The following ANKRD6 variants were observed in gnomAD, a reference collection of about 807,000 sequenced individuals.
The protein encoded by ANKRD6 is ankyrin repeat domain-containing protein 6.
ANKRD6 carries 56 observed loss-of-function variants against 82.3 expected under a neutral mutation model. The ratio of observed to expected loss-of-function variants is 0.68; its 90% CI spans 0.55 to 0.85. The LOEUF (loss-of-function observed/expected upper bound fraction) is 0.85. ANKRD6 is among the 40% of genes least tolerant of loss of function. The pLI, the probability that ANKRD6 is intolerant of heterozygous loss-of-function variation, is 0.00. For synonymous variants in ANKRD6, 347 were observed against 352.1 expected (o/e 0.99, Z 0.16); for missense variants, 852 against 907.6 (o/e 0.94, Z 0.79).
At chr6:89,587,346 G>A (rs1793965504) in intron 2 of ANKRD6, among the ~76,000 whole-genome samples, 1 of 152,112 alleles carries the variant, frequency 6.6e-6, no homozygotes, top group African/African-American at 2.4e-5. Context: ...AAAATTAGCC[G>A]GGAGTGGTGG....
intron 3 of ANKRD6, among the ~76,000 whole-genome samples, chr6:89,598,721 A>G (rs1409405046): frequency 6.6e-6 from 1 of 152,250 alleles, no homozygotes; most frequent in Non-Finnish European, 1.5e-5. Context: ...AAATGGGTCA[A>G]CATGTTCCAA....
intron 1 of ANKRD6, among the ~76,000 whole-genome samples, chr6:89,450,351 C>A (rs1359567175): frequency 1.3e-5 from 2 of 151,954 alleles, no homozygotes; most frequent in Admixed American, 1.3e-4. Flanking sequence ...TCAGAAACTT[C>A]ATTGTTGTCT....
intron 4 of ANKRD6, among the ~76,000 whole-genome samples, chr6:89,604,252 C>T (rs1228897777): frequency 3.3e-5 from 5 of 151,810 alleles, no homozygotes; most frequent in African/African-American, 7.3e-5. Flanking sequence ...CGCTTGAACC[C>T]GGGAGGTGGA....
chr6:89,441,559 T>G (rs1218568360), intron 1 of ANKRD6, among the ~76,000 whole-genome samples: 2 of 151,614 alleles, frequency 1.3e-5, no homozygotes, highest in Non-Finnish European at 2.9e-5. Context: ...CTGTAAAGCA[T>G]TTAAAGAGGT....
chr6:89,573,499 C>G (rs962120109), intron 2 of ANKRD6, among the ~76,000 whole-genome samples: 1 of 152,130 alleles, frequency 6.6e-6, no homozygotes, highest in Non-Finnish European at 1.5e-5. Flanking sequence ...CTGGGTTGCT[C>G]TCTAGTTCTG....
intron 1 of ANKRD6, among the ~76,000 whole-genome samples, chr6:89,437,074 G>A (rs1770734193): frequency 6.6e-6 from 1 of 152,168 alleles, no homozygotes; most frequent in Non-Finnish European, 1.5e-5. Flanking sequence ...AAGTATTTAA[G>A]TGAATGCTCT....
rs185191746 is a variant in ANKRD6 at position 89,595,630 on chromosome 6, G to A, written c.121-286G>A. Among the ~76,000 whole-genome samples the A allele has an allele frequency of 1.4e-4, 22 of 152,216 alleles. No individual in the cohort carries two copies. In the East Asian group the frequency reaches 3.9e-3, roughly 27 times the overall value. Reference sequence around the variant, plus strand: ...ATTAAGAGAAGGCACAAAACCCCTCGTTTTGCTACTTGATAGTCTGATGAG... The same window carrying A: ...ATTAAGAGAAGGCACAAAACCCCTCATTTTGCTACTTGATAGTCTGATGAG... On this transcript the variant is annotated intron_variant, in intron 2 of 15. Transcript: ENST00000339746.
intron 1 of ANKRD6, among the ~76,000 whole-genome samples, chr6:89,473,417 G>T (rs1408027575): frequency 4.8e-5 from 7 of 146,542 alleles, no homozygotes; most frequent in Non-Finnish European, 1.1e-4. Context: ...AAAAAAAAAA[G>T]AAAGAAAGAA....
At chr6:89,523,948 G>A (rs1782165017) in intron 1 of ANKRD6, among the ~76,000 whole-genome samples, 1 of 152,090 alleles carries the variant, frequency 6.6e-6, no homozygotes, top group African/African-American at 2.4e-5. Flanking sequence ...TACCAAACAT[G>A]TTCCTATAAT....
intron 1 of ANKRD6, among the ~76,000 whole-genome samples, chr6:89,444,816 A>C (rs2127944989): frequency 6.6e-6 from 1 of 152,234 alleles, no homozygotes; most frequent in South Asian, 2.1e-4. Context: ...AAAAATAAAA[A>C]AATTAGGCAG....
At chr6:89,450,480 A>G (rs1264968936) in intron 1 of ANKRD6, among the ~76,000 whole-genome samples, 1 of 152,228 alleles carries the variant, frequency 6.6e-6, no homozygotes, top group Non-Finnish European at 1.5e-5. Context: ...CTGAAGGTTC[A>G]GATGATCATC....
rs1390159638 is a variant in ANKRD6 at position 89,631,217 on chromosome 6, A to C, written c.*213A>C. On this transcript the variant is annotated 3_prime_UTR_variant, in exon 16 of 16. Coordinates refer to ENST00000339746, the MANE Select transcript of ANKRD6 (RefSeq NM_001242809.2). Reference sequence around the variant, plus strand: ...AACTGAAACCAGGGGAAGCTTGCTTAGTTTTGGGTTTCATTATAAACTCTT... The same window carrying C: ...AACTGAAACCAGGGGAAGCTTGCTTCGTTTTGGGTTTCATTATAAACTCTT... 1.1e-6 allele frequency: 1 copy of C among 900,200 alleles called. No individual in the cohort carries two copies. Among genetic ancestry groups the C allele is most frequent in the East Asian group, 3.2e-5 (1 of 31,410 alleles). The allele number at this position is 900,200 out of a possible 1,614,324, so 55.8% of individuals were successfully genotyped here.
intron 2 of ANKRD6, among the ~76,000 whole-genome samples, chr6:89,594,906 C>A (rs898070578): frequency 6.6e-6 from 1 of 152,122 alleles, no homozygotes; most frequent in Non-Finnish European, 1.5e-5. Context: ...CTGTGCCCAG[C>A]TAATTTTTAA....
chr6:89,582,724 C>T (rs970268477), intron 2 of ANKRD6, among the ~76,000 whole-genome samples: 1 of 138,540 alleles, frequency 7.2e-6, no homozygotes, highest in African/African-American at 2.7e-5. Flanking sequence ...CACAATCTTT[C>T]CTTACCTAGA....
intron 1 of ANKRD6, among the ~76,000 whole-genome samples, chr6:89,437,674 C>T (rs1341470363): frequency 6.6e-6 from 1 of 152,140 alleles, no homozygotes; most frequent in East Asian, 1.9e-4. Context: ...TACAATACGT[C>T]CTACCTTGTT....
chr6:89,613,992 C>T, intron 7 of ANKRD6, 102 bp downstream of exon 7: 1 of 1,177,930 alleles, frequency 8.5e-7, no homozygotes, highest in African/African-American at 1.5e-5. Context: ...GGGAAGCTGC[C>T]ATGTCACCTA....
intron 8 of ANKRD6, chr6:89,617,046 C>T: frequency 2.4e-6 from 1 of 412,644 alleles, no homozygotes; most frequent in Middle Eastern, 3.5e-4. Context: ...AAAGCAACTC[C>T]TTTCTCTTCC....
chr6:89,468,498 G>T (rs190282249), intron 1 of ANKRD6, among the ~76,000 whole-genome samples: 145 of 150,280 alleles, frequency 9.6e-4, no homozygotes, highest in Non-Finnish European at 1.8e-4. Context: ...AGTGTCTGAA[G>T]CGTGGGTGTT....
chr6:89,433,912 C>T lies in ANKRD6; in HGVS notation c.-144+537C>T, dbSNP rs1035148591. ...TGGCATCTCCCGGGGTCCAGAGAGT[C>T]GGCGTGCTGTCTGGTTTGGGTCCAG... is the stretch of plus-strand genomic sequence containing the variant. On this transcript the variant is annotated intron_variant, in intron 1 of 15. Coordinates refer to ENST00000339746, the MANE Select transcript of ANKRD6 (RefSeq NM_001242809.2). This position sits in a 1 kb window ranked among gnomAD's most constrained non-coding sequence, Gnocchi z 4.3. Among the ~76,000 whole-genome samples, 4 of 152,244 alleles carry T rather than the reference C, an allele frequency of 2.6e-5. No homozygotes were observed. Among genetic ancestry groups the T allele is most frequent in the African/African-American group, 9.6e-5 (4 of 41,466 alleles).
Sources: allele counts gnomAD v4.1 joint callset (sites outside exome capture counted in the v4.1 genomes callset), GRCh38; gene constraint gnomAD v4.1.1; non-coding constraint Gnocchi (gnomAD v3.1); transcripts MANE v1.5; gene names NCBI Gene and HGNC (gene_info 2026-07-23, HGNC 2026-07-21).